Variants in ZNF710 observed in about 807,000 individuals in gnomAD.
ZNF710 encodes zinc finger protein 710.
ZNF710 carries 13 observed loss-of-function variants against 50.6 expected under a neutral mutation model. The ratio of observed to expected loss-of-function variants is 0.26; its 90% CI spans 0.17 to 0.41. The LOEUF is 0.41. Ranked by LOEUF, ZNF710 falls within the 10% of genes least tolerant of loss-of-function variation. ZNF710 has a pLI of 1.00. For missense variants in ZNF710, 721 were observed against 936.6 expected (o/e 0.77, Z 3.01); for synonymous variants, 383 against 397.0 (o/e 0.96, Z 0.42).
rs1194374313 is a variant in ZNF710 at position 90,041,979 on chromosome 15, C to T, written c.-28-25131C>T. On this transcript the variant is annotated intron_variant, in intron 1 of 4. Coordinates refer to ENST00000268154, the MANE Select transcript of ZNF710 (RefSeq NM_198526.4). ...GTGGCATGATCTCAGCTCACTGCAA[C>T]CACTGCATCCCGGGTTCAAGTGATT... is the stretch of plus-strand genomic sequence containing the variant. Among the ~76,000 whole-genome samples, 8 of 150,100 alleles carry T rather than the reference C, an allele frequency of 5.3e-5. No individual in the cohort carries two copies. The South Asian group carries it at 1.3e-3, about 24-fold the overall frequency.
chr15:90,037,443 C>T (rs918555255), intron 1 of ZNF710, among the ~76,000 whole-genome samples: 6 of 152,170 alleles, frequency 3.9e-5, no homozygotes, highest in African/African-American at 1.4e-4. Flanking sequence ...AGCCCCAGGC[C>T]CCTGGACAGA....
Position 90,005,449 on chromosome 15 carries a change from A to AT in ZNF710, c.-29+3845dup, listed in dbSNP as rs530597511. On this transcript the variant is annotated intron_variant, in intron 1 of 4. Coordinates refer to ENST00000268154, the MANE Select transcript of ZNF710 (RefSeq NM_198526.4). ...TGTGCAAAACAATAGGTTTTTTTAG[A>AT]TTTTTTTTTTCTTTTTTTGAGACGG... 4.5e-3 allele frequency among the ~76,000 whole-genome samples: 675 copies of AT among 150,022 alleles called. 6 individuals carry two copies. The highest frequency in any genetic ancestry group is 0.014 in the African/African-American group (588 of 40,888).
At chr15:90,002,912 C>T (rs1898050973) in intron 1 of ZNF710, among the ~76,000 whole-genome samples, 7 of 152,068 alleles carry the variant, frequency 4.6e-5, no homozygotes, top group Admixed American at 4.6e-4. Context: ...CTTGCTCTGT[C>T]GCCCAGGCTG....
intron 1 of ZNF710, among the ~76,000 whole-genome samples, chr15:90,006,280 T>G (rs568026621): frequency 6.6e-6 from 1 of 152,354 alleles, no homozygotes; most frequent in Non-Finnish European, 1.5e-5. Flanking sequence ...GGTTAAAGTT[T>G]AGTTGGCATA....
upstream of ZNF710, among the ~76,000 whole-genome samples, chr15:89,998,939 GA>G (rs1897964553): frequency 6.6e-6 from 1 of 152,188 alleles, no homozygotes; most frequent in South Asian, 2.1e-4. Context: ...TAGCAAGTGG[GA>G]GGGGCTAAAA....
intron 1 of ZNF710, among the ~76,000 whole-genome samples, chr15:90,004,147 T>C (rs1478168553): frequency 6.6e-6 from 1 of 152,256 alleles, no homozygotes; most frequent in African/African-American, 2.4e-5. Flanking sequence ...GGGAGACTTA[T>C]TTTAGGCTCA....
chr15:90,079,932 C>T lies in ZNF710; in HGVS notation c.*103C>T, dbSNP rs1392943934. 8.6e-7 allele frequency: 1 copy of T among 1,166,754 alleles called. No individual in the cohort carries two copies. Among genetic ancestry groups the T allele is most frequent in the East Asian group, 2.7e-5 (1 of 36,892 alleles). 72.3% of individuals were successfully genotyped at this position (1,166,754 alleles called of 1,614,324 possible). A position where few individuals can be genotyped will look rare whatever the true frequency, so the allele number is the denominator to read the frequency against. ...CTGCAGCCGAGAAACAAGCTACTGC[C>T]CCACTGTTCTGAGCCCTCCCTCCCC... On this transcript the variant is annotated 3_prime_UTR_variant, in exon 5 of 5. Transcript: ENST00000268154.
At chr15:90,041,363 T>C (rs947751140) in intron 1 of ZNF710, among the ~76,000 whole-genome samples, 1 of 152,086 alleles carries the variant, frequency 6.6e-6, no homozygotes, top group Admixed American at 6.6e-5. Context: ...GCTAATTTTT[T>C]TATTTTTTGT....
At chr15:90,036,249 C>T (rs1011200311) in intron 1 of ZNF710, among the ~76,000 whole-genome samples, 17 of 131,758 alleles carry the variant, frequency 1.3e-4, no homozygotes, top group Admixed American at 4.1e-4. Flanking sequence ...CCACCCCCTC[C>T]GCCTCTGTTT....
At chr15:90,073,346 A>T in intron 3 of ZNF710, 84 bp downstream of exon 3, 1 of 1,509,376 alleles carries the variant, frequency 6.6e-7, no homozygotes, top group Non-Finnish European at 9.0e-7. Context: ...TGGCCCACCA[A>T]GCGCCAGCCT....
intron 1 of ZNF710, among the ~76,000 whole-genome samples, chr15:90,009,004 C>T (rs919566377): frequency 2.8e-4 from 42 of 152,046 alleles, no homozygotes; most frequent in Admixed American, 2.0e-4. Flanking sequence ...TATATGGAAT[C>T]GAAATGAAGT....
chr15:90,055,254 C>T (rs913165042), intron 1 of ZNF710, among the ~76,000 whole-genome samples: 4 of 152,078 alleles, frequency 2.6e-5, no homozygotes, highest in South Asian at 2.1e-4. Context: ...GCAGGGGGTC[C>T]GGGCAAGCTT....
At chr15:90,016,526 C>T (rs1056558256) in intron 1 of ZNF710, among the ~76,000 whole-genome samples, 16 of 152,318 alleles carry the variant, frequency 1.1e-4, no homozygotes, top group African/African-American at 3.6e-4. Flanking sequence ...ACTGCAGCCT[C>T]AAACTCCTGG....
At chr15:90,026,457 C>A (rs1382998649) in intron 1 of ZNF710, among the ~76,000 whole-genome samples, 1 of 152,006 alleles carries the variant, frequency 6.6e-6, no homozygotes, top group Non-Finnish European at 1.5e-5. Context: ...TGCCCCTCTA[C>A]CCACCAAAGA....
chr15:90,030,621 A>G (rs1898911535), intron 1 of ZNF710, among the ~76,000 whole-genome samples: 2 of 152,110 alleles, frequency 1.3e-5, no homozygotes, highest in Non-Finnish European at 2.9e-5. Context: ...AAGCAGGCCC[A>G]TCTGGGTGGG....
intron 3 of ZNF710, 65 bp downstream of exon 3, chr15:90,073,327 C>T (rs1273195822): frequency 2.2e-5 from 34 of 1,549,144 alleles, no homozygotes; most frequent in Non-Finnish European, 2.9e-5. Context: ...AGCATGCCTG[C>T]AGCAGCTGTG....
intron 1 of ZNF710, among the ~76,000 whole-genome samples, chr15:90,061,352 TG>T (rs1176437332): frequency 6.6e-6 from 1 of 150,704 alleles, no homozygotes; most frequent in African/African-American, 2.5e-5. Context: ...CATTTTTTTT[TG>T]CAGAGATGAG....
chr15:90,009,711 C>T (rs1425982466), intron 1 of ZNF710, among the ~76,000 whole-genome samples: 1 of 152,106 alleles, frequency 6.6e-6, no homozygotes, highest in Non-Finnish European at 1.5e-5. Flanking sequence ...CTCCCCAACC[C>T]CAACCTGTGT....
chr15:90,031,570 C>T (rs1898951283), intron 1 of ZNF710, among the ~76,000 whole-genome samples: 1 of 152,230 alleles, frequency 6.6e-6, no homozygotes, highest in Admixed American at 6.5e-5. Context: ...GGTCTTTGCA[C>T]AGCACTTGCC....
Sources: gnomAD v4.1 joint callset for allele counts (sites outside exome capture counted in the v4.1 genomes callset) on GRCh38, gnomAD v4.1.1 for gene constraint, MANE v1.5 for transcripts, NCBI Gene and HGNC (gene_info 2026-07-23, HGNC 2026-07-21) for gene names.